Variants in MTREX observed in about 807,000 individuals in gnomAD.
MTREX encodes Mtr4 exosome RNA helicase, also known as exosome RNA helicase MTR4.
A neutral mutation model predicts 135.4 loss-of-function variants in MTREX; 76 were observed. That is an observed-to-expected ratio of 0.56 (90% CI 0.47 to 0.68). The LOEUF (loss-of-function observed/expected upper bound fraction) is 0.68, where lower values mean the gene tolerates loss of function less well. Among genes scored for constraint, MTREX ranks in the 30% least tolerant of loss-of-function variants. The pLI is 0.00. For missense variants in MTREX, 920 were observed against 1,262.1 expected (o/e 0.73, Z 4.11); for synonymous variants, 404 against 401.6 (o/e 1.01, Z -0.07).
chr5:55,400,959 G>A (rs2111592364), intron 21 of MTREX, among the ~76,000 whole-genome samples: 1 of 152,150 alleles, frequency 6.6e-6, no homozygotes, highest in East Asian at 1.9e-4. Context: ...ATGTCTTCAG[G>A]GTTTATGCCT....
chr5:55,387,644 T>C (rs1306189290), intron 18 of MTREX, among the ~76,000 whole-genome samples: 1 of 152,112 alleles, frequency 6.6e-6, no homozygotes, highest in African/African-American at 2.4e-5. Context: ...CAATCTATTA[T>C]GTTAGAGTGA....
intron 1 of MTREX, among the ~76,000 whole-genome samples, chr5:55,309,561 AAG>A (rs906936319): frequency 2.6e-5 from 4 of 152,310 alleles, no homozygotes; most frequent in African/African-American, 4.8e-5. Context: ...AGGAAGTCAA[AAG>A]AGATGTTTAA....
At chr5:55,414,752 T>C (rs1750940791) in intron 24 of MTREX, among the ~76,000 whole-genome samples, 2 of 152,198 alleles carry the variant, frequency 1.3e-5, no homozygotes, top group South Asian at 4.2e-4. Context: ...CACGTTCAAA[T>C]GATTCTCCTG....
intron 19 of MTREX, among the ~76,000 whole-genome samples, chr5:55,396,755 T>G (rs1207440893): frequency 6.6e-6 from 1 of 152,154 alleles, no homozygotes; most frequent in African/African-American, 2.4e-5. Context: ...CCAGTGAAAA[T>G]TGTGTTTTCA....
chr5:55,321,956 A>G (rs773980383), intron 1 of MTREX, among the ~76,000 whole-genome samples: 3 of 152,174 alleles, frequency 2.0e-5, no homozygotes, highest in Non-Finnish European at 4.4e-5. Context: ...TCTAATCACA[A>G]AAAATTTTCT....
At chr5:55,344,650 A>G (rs776505057) in intron 9 of MTREX, 30 bp downstream of exon 9, 3 of 1,265,702 alleles carry the variant, frequency 2.4e-6, no homozygotes, top group Non-Finnish European at 3.4e-6. Flanking sequence ...TTTTAAATCT[A>G]TAATGTCATA....
chr5:55,344,549 C>A lies in MTREX; in HGVS notation c.934C>A (p.Arg312=), dbSNP rs1488350632. The A allele has an allele frequency of 1.2e-6, 2 of 1,610,772 alleles. No homozygotes were observed. Among genetic ancestry groups the A allele is most frequent in the Non-Finnish European group, 1.7e-6 (2 of 1,177,584 alleles). The change falls in exon 9 of 27, where the codon CGG becomes AGG. Residue 312 remains arginine (R), a synonymous_variant. Coordinates refer to ENST00000230640, the MANE Select transcript of MTREX (RefSeq NM_015360.5). ...TTGTCATGTTATTTACACAGATTAT[C>A]GGCCCACTCCATTGCAACACTACAT... The part of the protein sequence containing the change: ...QPCHVIYTDY[R]PTPLQHYIFP...
At position 55,425,545 on chromosome 5, in the gene MTREX, C is replaced by T. The variant is rs955417482; in HGVS notation, c.*773C>T. 2.1e-5 allele frequency: 10 copies of T among 483,610 alleles called. No individual in the cohort carries two copies. Among genetic ancestry groups the T allele is most frequent in the African/African-American group, 1.8e-4 (9 of 49,660 alleles). 30.0% of individuals were successfully genotyped at this position (483,610 alleles called of 1,614,324 possible). A position where few individuals can be genotyped will look rare whatever the true frequency, so the allele number is the denominator to read the frequency against. ...TTGTTATGCCTTCAGCAAATAGCTT[C>T]ATTTTGCCAATACTGAATAAAAGAG... On this transcript the variant is annotated 3_prime_UTR_variant, in exon 27 of 27. Transcript: ENST00000230640.
intron 22 of MTREX, among the ~76,000 whole-genome samples, chr5:55,408,537 G>T (rs944474775): frequency 6.6e-6 from 1 of 152,158 alleles, no homozygotes. Flanking sequence ...TTAACTGTTA[G>T]TAAAGATTAT....
chr5:55,348,099 A>G (rs78598281), intron 11 of MTREX, among the ~76,000 whole-genome samples: 342 of 152,288 alleles, frequency 2.2e-3, no homozygotes, highest in African/African-American at 8.0e-3. Context: ...TAGGTAATTT[A>G]TGAAAGGCAG....
intron 21 of MTREX, among the ~76,000 whole-genome samples, chr5:55,402,834 G>GTA (rs2111596309): frequency 1.1e-5 from 1 of 93,988 alleles, no homozygotes; most frequent in East Asian, 2.6e-4. Flanking sequence ...GTGTGTGTGT[G>GTA]TGTGTGTATG....
At chr5:55,417,488 C>A (rs565362711) in intron 25 of MTREX, among the ~76,000 whole-genome samples, 3 of 152,084 alleles carry the variant, frequency 2.0e-5, no homozygotes, top group Non-Finnish European at 4.4e-5. Context: ...TTTCTTAAAC[C>A]CTACACTAGA....
intron 1 of MTREX, among the ~76,000 whole-genome samples, chr5:55,308,667 TAA>T (rs973190426): frequency 1.2e-4 from 18 of 152,170 alleles, no homozygotes; most frequent in Non-Finnish European, 2.4e-4. Flanking sequence ...GTAAAGTGCC[TAA>T]CAGTGGTTAG....
At chr5:55,391,626 C>T (rs1489774164) in intron 19 of MTREX, among the ~76,000 whole-genome samples, 1 of 152,162 alleles carries the variant, frequency 6.6e-6, no homozygotes, top group East Asian at 1.9e-4. Context: ...AGGACTAAAA[C>T]TCTGACTGCT....
At chr5:55,406,389 G>T (rs1750806468) in intron 22 of MTREX, among the ~76,000 whole-genome samples, 1 of 152,134 alleles carries the variant, frequency 6.6e-6, no homozygotes, top group Admixed American at 6.5e-5. Flanking sequence ...TCTCCATGTG[G>T]GCTGGTTTGG....
At chr5:55,326,666 G>A (rs1749383453) in intron 3 of MTREX, among the ~76,000 whole-genome samples, 2 of 152,046 alleles carry the variant, frequency 1.3e-5, no homozygotes, top group South Asian at 4.2e-4. Flanking sequence ...TCTTGGTTGT[G>A]TCTTATCCTA....
intron 19 of MTREX, among the ~76,000 whole-genome samples, chr5:55,391,614 A>C (rs992388646): frequency 4.6e-5 from 7 of 152,188 alleles, no homozygotes; most frequent in Non-Finnish European, 1.0e-4. Flanking sequence ...AAGGAGGAAC[A>C]GAGGACTAAA....
chr5:55,423,043 G>A (rs1398272361), intron 26 of MTREX, 61 bp downstream of exon 26: 3 of 1,287,856 alleles, frequency 2.3e-6, no homozygotes, highest in South Asian at 2.5e-5. Flanking sequence ...CAAATCTTGA[G>A]CCCTGGACCA....
At chr5:55,403,368 G>C (rs1209333928) in intron 21 of MTREX, among the ~76,000 whole-genome samples, 1 of 152,040 alleles carries the variant, frequency 6.6e-6, no homozygotes, top group East Asian at 1.9e-4. Flanking sequence ...GAAAGATCTT[G>C]TACAGCATTG....
Sources: allele counts gnomAD v4.1 joint callset (sites outside exome capture counted in the v4.1 genomes callset), GRCh38; gene constraint gnomAD v4.1.1; transcripts MANE v1.5; gene names NCBI Gene and HGNC (gene_info 2026-07-23, HGNC 2026-07-21).